RAP1GAP2: variants seen among roughly 807,000 people sequenced by gnomAD.
The protein encoded by RAP1GAP2 is RAP1 GTPase activating protein 2, also known as rap1 GTPase-activating protein 2.
In RAP1GAP2, 27 loss-of-function variants were observed where a neutral mutation model predicts 95.0. That is an observed-to-expected ratio of 0.28 (90% CI 0.21 to 0.39). RAP1GAP2 has a LOEUF of 0.39. Ranked by LOEUF, RAP1GAP2 falls within the 10% of genes least tolerant of loss-of-function variation. The pLI is 1.00. For missense variants in RAP1GAP2, 771 were observed against 970.0 expected (o/e 0.79, Z 2.72); for synonymous variants, 373 against 380.9 (o/e 0.98, Z 0.24).
chr17:2,788,749 G>C (rs192508893), intron 1 of RAP1GAP2, among the ~76,000 whole-genome samples: 7 of 152,302 alleles, frequency 4.6e-5, no homozygotes. Context: ...GGCAGGAGAA[G>C]GCGGGTTCTC....
chr17:2,759,697 C>T (rs563458591), intron 1 of RAP1GAP2, among the ~76,000 whole-genome samples: 1 of 152,086 alleles, frequency 6.6e-6, no homozygotes, highest in African/African-American at 2.4e-5. Context: ...GTGATCTGCC[C>T]GCTTTGGCCT....
intron 2 of RAP1GAP2, among the ~76,000 whole-genome samples, chr17:2,818,171 A>G (rs747233956): frequency 3.4e-4 from 51 of 151,988 alleles, no homozygotes; most frequent in Non-Finnish European, 6.5e-4. Context: ...TTTAAAATTA[A>G]AGAAATAAAA....
chr17:2,975,916 G>A (rs893208752), intron 8 of RAP1GAP2, among the ~76,000 whole-genome samples: 3 of 152,230 alleles, frequency 2.0e-5, no homozygotes, highest in African/African-American at 7.2e-5. Context: ...CAGAAACTGG[G>A]CAGGGAAAGA....
chr17:2,850,549 C>T (rs1211093248), intron 2 of RAP1GAP2, among the ~76,000 whole-genome samples: 1 of 147,972 alleles, frequency 6.8e-6, no homozygotes. Flanking sequence ...GAGATCGAGA[C>T]CATCCTGGCT....
At chr17:2,845,795 A>T (rs1423856630) in intron 2 of RAP1GAP2, among the ~76,000 whole-genome samples, 2 of 151,868 alleles carry the variant, frequency 1.3e-5, no homozygotes, top group African/African-American at 4.8e-5. Context: ...CTGTAGGCGA[A>T]GGTTTTGGTG....
chr17:2,927,810 G>A (rs188019751), intron 3 of RAP1GAP2, among the ~76,000 whole-genome samples: 11 of 152,300 alleles, frequency 7.2e-5, no homozygotes, highest in Admixed American at 2.0e-4. Context: ...ACCGCATAGC[G>A]GGCCTTCCCT....
rs137886083 is a variant in RAP1GAP2, at chr17:2,763,075, C to T, written c.51-7254C>T. On this transcript the variant is annotated intron_variant, in intron 1 of 25. Coordinates refer to the RAP1GAP2 transcript ENST00000637138. ...AGTGTTCAGCGGGATTTCAGATACA[C>T]GGCAAGGTGATAGGGAAGATAGTTG... 1.4e-3 allele frequency among the ~76,000 whole-genome samples: 206 copies of T among 152,230 alleles called. 2 individuals are homozygous for T. In the East Asian group the frequency reaches 0.018, roughly 13 times the overall value.
At position 2,984,680 on chromosome 17, in the gene RAP1GAP2, G is replaced by A. The variant is rs186391337; in HGVS notation, c.730-303G>A. Among the ~76,000 whole-genome samples the A allele has an allele frequency of 1.4e-3, 206 of 152,198 alleles. 1 individual carries two copies. In the Middle Eastern group the frequency reaches 0.02, roughly 15 times the overall value. The stretch of plus-strand genomic sequence containing the variant: ...TTTTACACCACAGATTCAACACTAG[G>A]GTTAAGTAAGCTGCTGGACACATGT... On this transcript the variant is annotated intron_variant, in intron 10 of 24. Transcript: ENST00000254695.
chr17:2,865,763 T>C (rs1009002499), intron 2 of RAP1GAP2, among the ~76,000 whole-genome samples: 7 of 152,104 alleles, frequency 4.6e-5, no homozygotes, highest in Non-Finnish European at 8.8e-5. Context: ...GTGGTGCAAG[T>C]GATGGGAACC....
intron 3 of RAP1GAP2, among the ~76,000 whole-genome samples, chr17:2,954,569 C>CTTATTTATTTAT (rs142139752): frequency 2.8e-4 from 42 of 150,798 alleles, no homozygotes; most frequent in African/African-American, 7.3e-4. Context: ...CATATCAGTA[C>CTTATTTATTTAT]TTATTTATTT....
At chr17:2,787,766 A>G (rs1049236976) in intron 1 of RAP1GAP2, among the ~76,000 whole-genome samples, 1 of 151,308 alleles carries the variant, frequency 6.6e-6, no homozygotes, top group African/African-American at 2.4e-5. Flanking sequence ...ATGGGGTTTC[A>G]CCATGTTGGC....
At chr17:2,912,170 A>G (rs985266944) in intron 3 of RAP1GAP2, among the ~76,000 whole-genome samples, 1 of 152,186 alleles carries the variant, frequency 6.6e-6, no homozygotes, top group African/African-American at 2.4e-5. Context: ...TTCCTATGGC[A>G]GGGAAGAGGA....
chr17:2,964,577 C>T (rs374797005), intron 7 of RAP1GAP2: 41 of 154,502 alleles, frequency 2.7e-4, no homozygotes, highest in Middle Eastern at 3.2e-3. Flanking sequence ...GTGGGGACCA[C>T]CCCCCGCAAA....
rs1342168962 is a variant in RAP1GAP2 at position 2,962,666 on chromosome 17, A to G, written c.202-4A>G. On this transcript the variant is annotated splice_region_variant and splice_polypyrimidine_tract_variant and intron_variant, in intron 4 of 24. Transcript: ENST00000254695. ...TGTGGATCCTGTTTTCCTTGTTTCTATAGGGGATCAAGCTTGAAGAGCAGA... is the reference window on the plus strand; with the variant it reads ...TGTGGATCCTGTTTTCCTTGTTTCTGTAGGGGATCAAGCTTGAAGAGCAGA... 4 of 1,587,124 alleles carry G rather than the reference A, an allele frequency of 2.5e-6. No homozygotes were observed. In the South Asian group the frequency reaches 4.6e-5, roughly 18 times the overall value.
intron 1 of RAP1GAP2, among the ~76,000 whole-genome samples, chr17:2,779,745 G>A (rs368256882): frequency 4.6e-4 from 68 of 149,232 alleles, no homozygotes; most frequent in Middle Eastern, 3.5e-3. Context: ...CTGGCATACG[G>A]TCATGGGCAT....
intron 18 of RAP1GAP2, among the ~76,000 whole-genome samples, chr17:3,019,358 CA>C (rs1291463923): frequency 6.6e-6 from 1 of 152,014 alleles, no homozygotes; most frequent in Admixed American, 6.6e-5. Context: ...CAAAAAAATG[CA>C]AAAATTAGCT....
chr17:2,866,836 G>A lies in RAP1GAP2; in HGVS notation c.81-38448G>A, dbSNP rs990129983. Among the ~76,000 whole-genome samples the A allele has an allele frequency of 2.6e-4, 39 of 151,876 alleles. No homozygotes were observed. Among genetic ancestry groups the A allele is most frequent in the African/African-American group, 8.0e-4 (33 of 41,320 alleles). ...GCTGGTCTCGAACTCCTGGCCTCAA[G>A]CGATCTGCCTGTCTTGGCCTCCCAA... On this transcript the variant is annotated intron_variant, in intron 2 of 24. Coordinates refer to ENST00000254695, the MANE Select transcript of RAP1GAP2 (RefSeq NM_015085.5). This position sits in a 1 kb window ranked among gnomAD's most constrained non-coding sequence, Gnocchi z 4.0.
chr17:2,811,270 G>T (rs1177117763), intron 2 of RAP1GAP2, among the ~76,000 whole-genome samples: 1 of 152,224 alleles, frequency 6.6e-6, no homozygotes, highest in Non-Finnish European at 1.5e-5. Flanking sequence ...AGGATGGACA[G>T]CTAGAGGCGA....
intron 2 of RAP1GAP2, among the ~76,000 whole-genome samples, chr17:2,843,217 A>C (rs767915908): frequency 4.9e-4 from 75 of 151,976 alleles, no homozygotes; most frequent in Non-Finnish European, 9.7e-4. Flanking sequence ...GTGAGTGGTC[A>C]AGGAAGCCCT....
Sources: allele counts gnomAD v4.1 joint callset (sites outside exome capture counted in the v4.1 genomes callset), GRCh38; gene constraint gnomAD v4.1.1; non-coding constraint Gnocchi (gnomAD v3.1); transcripts MANE v1.5; gene names NCBI Gene and HGNC (gene_info 2026-07-23, HGNC 2026-07-21).